Variants in UBAP2L observed in about 807,000 individuals in gnomAD.
UBAP2L encodes ubiquitin-associated protein 2-like.
UBAP2L carries 12 observed loss-of-function variants against 130.6 expected under a neutral mutation model. The observed-to-expected ratio is 0.09, with a 90% CI of 0.06 to 0.15. The LOEUF (loss-of-function observed/expected upper bound fraction) is 0.15, where lower values mean the gene tolerates loss of function less well. Among genes scored for constraint, UBAP2L ranks in the 10% least tolerant of loss-of-function variants. UBAP2L has a pLI of 1.00. For synonymous variants in UBAP2L, 503 were observed against 524.7 expected, an observed-to-expected ratio of 0.96 and a Z score of 0.57; for missense variants, 965 against 1,332.5, an observed-to-expected ratio of 0.72 and a Z score of 4.29.
At chr1:154,244,305 A>T (rs1174209047) in intron 10 of UBAP2L, among the ~76,000 whole-genome samples, 1 of 152,130 alleles carries the variant, frequency 6.6e-6, no homozygotes, top group Non-Finnish European at 1.5e-5. Context: ...GGTTCCCATG[A>T]CCGCCTTTCA....
At chr1:154,267,803 T>A (rs1212348738) in intron 25 of UBAP2L, among the ~76,000 whole-genome samples, 1 of 151,034 alleles carries the variant, frequency 6.6e-6, no homozygotes, top group African/African-American at 2.4e-5. Context: ...CCTGGAGTTC[T>A]AAGTTCGGAT....
intron 8 of UBAP2L, among the ~76,000 whole-genome samples, chr1:154,240,527 A>G (rs190281216): frequency 1.3e-5 from 2 of 152,278 alleles, no homozygotes; most frequent in East Asian, 3.9e-4. Context: ...ACTATCATTC[A>G]TACCTGATTT....
rs755785108 is a variant in UBAP2L, at chr1:154,251,484, C to G, written c.1495C>G (p.Pro499Ala). ...KKKASLTSKIPALAVEMPGSA... is the reference protein window; with the variant it reads ...KKKASLTSKIAALAVEMPGSA... ...CTCTTCTCCTTCAACTTTATAGATTCCTGCTCTGGCTGTGGAGATGCCTGG... is the reference window on the plus strand; with the variant it reads ...CTCTTCTCCTTCAACTTTATAGATTGCTGCTCTGGCTGTGGAGATGCCTGG... Residue 499 changes from proline to alanine, a missense_variant, in exon 14 of 27, where the codon CCT (proline) becomes GCT (alanine). Physicochemically the swap from Pro to Ala is conservative, Grantham distance 27. Transcript: ENST00000428931. The G allele has an allele frequency of 1.9e-6, 3 of 1,613,734 alleles. No homozygotes were observed. Among genetic ancestry groups the G allele is most frequent in the Non-Finnish European group, 2.5e-6 (3 of 1,179,920 alleles).
At chr1:154,259,821 A>G in intron 21 of UBAP2L, 127 bp from the exon 22 acceptor site, 1 of 1,021,098 alleles carries the variant, frequency 9.8e-7, no homozygotes, top group South Asian at 1.3e-5. Context: ...AACTCTAGCC[A>G]GCTTAATTAG....
At chr1:154,243,095 G>A in intron 9 of UBAP2L, 122 bp from the exon 10 acceptor site, 1 of 731,358 alleles carries the variant, frequency 1.4e-6, no homozygotes, top group Non-Finnish European at 2.4e-6. Flanking sequence ...ATTCCTCAGG[G>A]TAGATAGTTT....
At chr1:154,249,114 C>G in intron 11 of UBAP2L, 125 bp from the exon 12 acceptor site, 1 of 851,056 alleles carries the variant, frequency 1.2e-6, no homozygotes, top group Non-Finnish European at 1.9e-6. Context: ...ATGCTGTATA[C>G]TCAGTGTGAC....
At chr1:154,263,391 C>T (rs912176863) in intron 24 of UBAP2L, 17 of 1,303,722 alleles carry the variant, frequency 1.3e-5, no homozygotes, top group African/African-American at 1.5e-5. Context: ...GCAGCACCTT[C>T]GAAGCATCAA....
chr1:154,252,746 A>G (rs1200265240), intron 14 of UBAP2L, among the ~76,000 whole-genome samples: 4 of 151,956 alleles, frequency 2.6e-5, no homozygotes, highest in African/African-American at 7.2e-5. Context: ...TTTAGTAGAC[A>G]TGGGGTTTCA....
chr1:154,241,635 G>A lies in UBAP2L; in HGVS notation c.756+70G>A. The A allele has an allele frequency of 2.5e-6, 4 of 1,597,496 alleles. No homozygotes were observed. In the South Asian group the frequency reaches 3.3e-5, roughly 13 times the overall value. On this transcript the variant is annotated intron_variant, in intron 9 of 26. Transcript: ENST00000428931. ...AGTGTTGTTTAGGGATAGAAAATGG[G>A]TATGTTTCTACCCCTCAAAATTCAC... is the stretch of plus-strand genomic sequence containing the variant.
At chr1:154,227,979 C>G (rs2148505777) in intron 3 of UBAP2L, among the ~76,000 whole-genome samples, 1 of 152,204 alleles carries the variant, frequency 6.6e-6, no homozygotes, top group South Asian at 2.1e-4. Flanking sequence ...CATGCTGAAG[C>G]CTGTGTGTTT....
At chr1:154,259,118 C>T (rs1299478666) in intron 21 of UBAP2L, 88 bp downstream of exon 21, 25 of 1,156,024 alleles carry the variant, frequency 2.2e-5, no homozygotes, top group Non-Finnish European at 3.9e-6. Context: ...ATAGCTCTTT[C>T]CCATCCCAGC....
At chr1:154,254,702 T>C (rs1679028768) in intron 15 of UBAP2L, 134 bp from the exon 16 acceptor site, 3 of 981,036 alleles carry the variant, frequency 3.1e-6, no homozygotes. Flanking sequence ...TGTATTAATA[T>C]TAATCCTTTT....
chr1:154,254,528 C>G, intron 15 of UBAP2L: 1 of 486,014 alleles, frequency 2.1e-6, no homozygotes, highest in South Asian at 2.6e-5. Flanking sequence ...CCCCAAAAAT[C>G]ACTGGATGTG....
In UBAP2L at chr1:154,261,677, G is replaced by A. The variant is rs17411222; in HGVS notation, c.2882G>A (p.Gly961Glu). ...ATPFQQPSGY[G>E]SHGYNTGVSV... ...CCTTTCCAACAGCCGAGTGGATATG[G>A]GTCTCATGGATACAACACTGGTAAG... is the stretch of plus-strand genomic sequence containing the variant. The change falls in exon 24 of 27, where the codon GGG becomes GAG. Residue 961 changes from glycine to glutamate, a missense_variant. Coordinates refer to ENST00000428931, the MANE Select transcript of UBAP2L (RefSeq NM_014847.4). The A allele has an allele frequency of 6.2e-7, 1 of 1,614,108 alleles. No individual in the cohort carries two copies. Among genetic ancestry groups the A allele is most frequent in the Non-Finnish European group, 8.5e-7 (1 of 1,180,024 alleles).
chr1:154,253,735 T>C (rs956907286), intron 14 of UBAP2L, among the ~76,000 whole-genome samples, 165 bp from the exon 15 acceptor site: 1 of 152,192 alleles, frequency 6.6e-6, no homozygotes. Context: ...TAGGGATTCC[T>C]AGTGTTATCA....
chr1:154,248,833 C>T (rs549849930), intron 11 of UBAP2L, among the ~76,000 whole-genome samples: 1 of 152,070 alleles, frequency 6.6e-6, no homozygotes, highest in Non-Finnish European at 1.5e-5. Context: ...AAAACAAAAA[C>T]AAAAATTCTC....
intron 14 of UBAP2L, among the ~76,000 whole-genome samples, chr1:154,252,487 G>C (rs189492233): frequency 6.6e-5 from 10 of 150,416 alleles, no homozygotes; most frequent in Non-Finnish European, 1.2e-4. Context: ...CACCATGTTG[G>C]CCAGGCTGGT....
At chr1:154,265,249 G>A (rs943648188) in intron 24 of UBAP2L, among the ~76,000 whole-genome samples, 1 of 152,134 alleles carries the variant, frequency 6.6e-6, no homozygotes, top group Non-Finnish European at 1.5e-5. Flanking sequence ...GGCATTGGGA[G>A]GATTTAGGTT....
chr1:154,228,960 T>C (rs1668887287), intron 4 of UBAP2L, among the ~76,000 whole-genome samples: 1 of 152,204 alleles, frequency 6.6e-6, no homozygotes, highest in Non-Finnish European at 1.5e-5. Context: ...CAGTCTCTGC[T>C]AATTGGCCTG....
Sources: allele counts gnomAD v4.1 joint callset (sites outside exome capture counted in the v4.1 genomes callset), GRCh38; gene constraint gnomAD v4.1.1; transcripts MANE v1.5; gene names NCBI Gene and HGNC (gene_info 2026-07-23, HGNC 2026-07-21).